The following NLGN1 variants were observed in gnomAD, a reference collection of about 807,000 sequenced individuals.
NLGN1 encodes neuroligin-1.
A neutral mutation model predicts 65.5 loss-of-function variants in NLGN1; 12 were observed. The observed-to-expected ratio is 0.18, with a 90% CI of 0.12 to 0.30. The LOEUF is 0.30. NLGN1 is among the 10% of genes least tolerant of loss of function. The probability of loss-of-function intolerance (pLI) is 1.00; values close to 1 mark genes in which losing one functional copy is unlikely to be tolerated. For missense variants in NLGN1, 750 were observed against 1,007.1 expected, an observed-to-expected ratio of 0.74 and a Z score of 3.46; for synonymous variants, 350 against 359.5, an observed-to-expected ratio of 0.97 and a Z score of 0.30.
At chr3:174,021,456 G>T (rs1727732919) in intron 4 of NLGN1, among the ~76,000 whole-genome samples, 2 of 152,046 alleles carry the variant, frequency 1.3e-5, no homozygotes, top group Admixed American at 1.3e-4. Flanking sequence ...AAGAAAGGTA[G>T]TTTTGTTTTT....
rs555341150 is a variant in NLGN1 at position 174,019,588 on chromosome 3, G to A, written c.646+211756G>A. Among the ~76,000 whole-genome samples the A allele has an allele frequency of 2.6e-5, 4 of 152,228 alleles. 1 individual carries two copies. The East Asian group carries it at 7.7e-4, about 29-fold the overall frequency. Reference sequence around the variant, plus strand: ...TCATATTTTGTTGCAAGTAAATACTGTTAAATATGAAAATATAGTTAGAGA... The same window carrying A: ...TCATATTTTGTTGCAAGTAAATACTATTAAATATGAAAATATAGTTAGAGA... On this transcript the variant is annotated intron_variant, in intron 4 of 6. Transcript: ENST00000457714.
chr3:173,470,499 T>G (rs1227509828), intron 2 of NLGN1, among the ~76,000 whole-genome samples: 3 of 152,126 alleles, frequency 2.0e-5, no homozygotes, highest in Admixed American at 6.6e-5. Flanking sequence ...GCAGAGGGAC[T>G]AACAGCATGG....
At chr3:173,637,564 A>G (rs1475946311) in intron 3 of NLGN1, among the ~76,000 whole-genome samples, 2 of 152,150 alleles carry the variant, frequency 1.3e-5, no homozygotes, top group Admixed American at 1.3e-4. Flanking sequence ...CCACAATATA[A>G]TGAGAATTTG....
At chr3:173,540,913 C>A (rs907101492) in intron 2 of NLGN1, among the ~76,000 whole-genome samples, 1 of 152,138 alleles carries the variant, frequency 6.6e-6, no homozygotes, top group Non-Finnish European at 1.5e-5. Context: ...CACCATCAAC[C>A]TTTTCTCTGC....
intron 2 of NLGN1, among the ~76,000 whole-genome samples, chr3:173,510,722 G>A (rs1732806685): frequency 6.6e-6 from 1 of 152,088 alleles, no homozygotes; most frequent in Non-Finnish European, 1.5e-5. Flanking sequence ...GTTATAAAAA[G>A]AAACTCATCT....
chr3:174,091,322 T>C (rs1328920537), intron 4 of NLGN1, among the ~76,000 whole-genome samples: 3 of 152,244 alleles, frequency 2.0e-5, no homozygotes, highest in Non-Finnish European at 4.4e-5. Flanking sequence ...TGCATTCTAC[T>C]CTGAGTTTTT....
At chr3:173,483,771 CTG>C (rs1175067287) in intron 2 of NLGN1, among the ~76,000 whole-genome samples, 2 of 152,078 alleles carry the variant, frequency 1.3e-5, no homozygotes. Context: ...GATACAGAAA[CTG>C]TGGATAAGAG....
At chr3:173,986,998 T>A (rs1391350040) in intron 4 of NLGN1, among the ~76,000 whole-genome samples, 1 of 152,164 alleles carries the variant, frequency 6.6e-6, no homozygotes, top group Non-Finnish European at 1.5e-5. Flanking sequence ...TGGAAGAAAT[T>A]ACAAATATTT....
At chr3:174,075,426 C>A (rs1258655451) in intron 4 of NLGN1, among the ~76,000 whole-genome samples, 3 of 152,050 alleles carry the variant, frequency 2.0e-5, no homozygotes, top group Non-Finnish European at 2.9e-5. Flanking sequence ...ATAATCAGAG[C>A]TCCTAGATTA....
intron 3 of NLGN1, among the ~76,000 whole-genome samples, chr3:173,755,558 A>G (rs1776971928): frequency 6.6e-6 from 1 of 152,136 alleles, no homozygotes; most frequent in African/African-American, 2.4e-5. Context: ...GGGAAATACC[A>G]CACTGACACT....
intron 4 of NLGN1, among the ~76,000 whole-genome samples, chr3:173,862,011 C>T (rs926342973): frequency 2.6e-5 from 4 of 151,780 alleles, no homozygotes; most frequent in South Asian, 2.1e-4. Context: ...TCAGGTGATC[C>T]GCCTGCCTCA....
At chr3:173,841,672 AG>A (rs1168700937) in intron 4 of NLGN1, among the ~76,000 whole-genome samples, 2 of 152,170 alleles carry the variant, frequency 1.3e-5, no homozygotes, top group African/African-American at 4.8e-5. Flanking sequence ...AAATGTATAA[AG>A]GTAGAAACTT....
intron 4 of NLGN1, among the ~76,000 whole-genome samples, chr3:174,198,216 T>C (rs905231999): frequency 1.3e-5 from 2 of 152,180 alleles, no homozygotes; most frequent in East Asian, 1.9e-4. Context: ...CAGGTATGTA[T>C]TGTAGGTCAG....
chr3:174,223,547 C>T (rs1296770086), intron 4 of NLGN1, among the ~76,000 whole-genome samples: 1 of 152,144 alleles, frequency 6.6e-6, no homozygotes, highest in Non-Finnish European at 1.5e-5. Context: ...CACTCACCTG[C>T]CTTCAACTAA....
chr3:174,128,041 A>G (rs1047413417), intron 4 of NLGN1, among the ~76,000 whole-genome samples: 1 of 152,160 alleles, frequency 6.6e-6, no homozygotes, highest in Non-Finnish European at 1.5e-5. Context: ...CCATCTCTCA[A>G]TGAGAATTTG....
At chr3:174,115,560 T>C (rs1033299790) in intron 4 of NLGN1, among the ~76,000 whole-genome samples, 1 of 152,076 alleles carries the variant, frequency 6.6e-6, no homozygotes, top group Non-Finnish European at 1.5e-5. Flanking sequence ...GGTCCTTCCA[T>C]CCAGAGAATG....
At chr3:173,645,012 T>C (rs1758025866) in intron 3 of NLGN1, among the ~76,000 whole-genome samples, 1 of 152,194 alleles carries the variant, frequency 6.6e-6, no homozygotes, top group Non-Finnish European at 1.5e-5. Context: ...GATTGGACTG[T>C]ACAGTTGACT....
chr3:173,462,616 C>T (rs1723597761), intron 2 of NLGN1, among the ~76,000 whole-genome samples: 1 of 152,172 alleles, frequency 6.6e-6, no homozygotes. Context: ...CCAATTCACA[C>T]ACCTCTGCCT....
intron 4 of NLGN1, among the ~76,000 whole-genome samples, chr3:174,223,949 A>G (rs1295532644): frequency 6.6e-6 from 1 of 152,190 alleles, no homozygotes; most frequent in Non-Finnish European, 1.5e-5. Context: ...CAAGAGCCAC[A>G]AAGTCCTACA....
Sources: gnomAD v4.1 joint callset for allele counts (sites outside exome capture counted in the v4.1 genomes callset) on GRCh38, gnomAD v4.1.1 for gene constraint, MANE v1.5 for transcripts, NCBI Gene and HGNC (gene_info 2026-07-23, HGNC 2026-07-21) for gene names.